Variants in PPP1R37 observed in about 807,000 individuals in gnomAD.
The protein encoded by PPP1R37 is leucine rich repeat containing 68.
Under a neutral mutation model 61.0 loss-of-function variants are expected in PPP1R37, and 21 were observed. The observed-to-expected ratio is 0.34, with a 90% CI of 0.24 to 0.50. The LOEUF (loss-of-function observed/expected upper bound fraction) is 0.50. Among genes scored for constraint, PPP1R37 ranks in the 20% least tolerant of loss-of-function variants. PPP1R37 has a pLI of 0.98. For synonymous variants in PPP1R37, 443 were observed against 433.5 expected, an observed-to-expected ratio of 1.02 and a Z score of -0.27; for missense variants, 910 against 952.7, an observed-to-expected ratio of 0.96 and a Z score of 0.59.
chr19:45,132,001 T>G (rs546433512), intron 1 of PPP1R37, among the ~76,000 whole-genome samples: 48 of 152,300 alleles, frequency 3.2e-4, no homozygotes, highest in African/African-American at 1.1e-3. Context: ...AACTCAGGTC[T>G]TCTTATTCCA....
intron 1 of PPP1R37, among the ~76,000 whole-genome samples, chr19:45,104,544 C>T (rs1470703427): frequency 6.6e-6 from 1 of 152,220 alleles, no homozygotes; most frequent in African/African-American, 2.4e-5. Flanking sequence ...CTCCACTTTG[C>T]TGTCCCTGCC....
intron 1 of PPP1R37, among the ~76,000 whole-genome samples, chr19:45,097,453 G>T (rs1277124214): frequency 6.6e-6 from 1 of 151,906 alleles, no homozygotes. Flanking sequence ...CAGTGCAGGG[G>T]TCTCCTTCAG....
chr19:45,096,413 AG>A (rs1270555345), intron 1 of PPP1R37, among the ~76,000 whole-genome samples: 1 of 152,172 alleles, frequency 6.6e-6, no homozygotes, highest in Non-Finnish European at 1.5e-5. Flanking sequence ...TTCCTCTCCA[AG>A]CCTCTGTTTC....
intron 1 of PPP1R37, among the ~76,000 whole-genome samples, chr19:45,113,811 C>T (rs927169049): frequency 3.9e-5 from 6 of 152,224 alleles, no homozygotes; most frequent in Non-Finnish European, 5.9e-5. Flanking sequence ...GTCTTCACTT[C>T]GGCACCATCA....
intron 1 of PPP1R37, among the ~76,000 whole-genome samples, chr19:45,117,056 G>A (rs996248466): frequency 1.3e-5 from 2 of 152,030 alleles, no homozygotes; most frequent in African/African-American, 4.8e-5. Context: ...GGGACTACAG[G>A]CACGTGTCAC....
chr19:45,145,812 T>TGGGCC lies in PPP1R37; in HGVS notation c.1756_1757insGGGCC (p.Ser586TrpfsTer54). 2.4e-6 allele frequency: 3 copies of TGGGCC among 1,227,556 alleles called. No homozygotes were observed. The highest frequency in any genetic ancestry group is 3.3e-6 in the Non-Finnish European group (3 of 922,038). The allele number at this position is 1,227,556 out of a possible 1,614,324, so 76.0% of individuals were successfully genotyped here. On this transcript the variant is annotated frameshift_variant, in exon 11 of 13. Coordinates refer to ENST00000221462, the MANE Select transcript of PPP1R37 (RefSeq NM_019121.2). LOFTEE classifies it high-confidence loss of function. ...GCCCGAGAGGGCAGAGCCCCCTGCGTCCCCCACCCCTCCCTCTCCCCCACC... is the reference window on the plus strand; with the variant it reads ...GCCCGAGAGGGCAGAGCCCCCTGCGTGGGCCCCCCCACCCCTCCCTCTCCCCCACC...
intron 1 of PPP1R37, among the ~76,000 whole-genome samples, chr19:45,097,505 T>C (rs1968007775): frequency 2.6e-5 from 4 of 151,566 alleles, no homozygotes. Flanking sequence ...CCCAGCTGGG[T>C]GGGAGCTGTG....
intron 1 of PPP1R37, among the ~76,000 whole-genome samples, chr19:45,124,824 G>A (rs12459945): frequency 0.17 from 24,177 of 146,332 alleles, 2,395 homozygotes; most frequent in African/African-American, 0.27. Flanking sequence ...AAAAAAAACT[G>A]GCCAAGCATG....
At chr19:45,096,439 G>A (rs776658667) in intron 1 of PPP1R37, among the ~76,000 whole-genome samples, 2 of 152,182 alleles carry the variant, frequency 1.3e-5, no homozygotes, top group Non-Finnish European at 2.9e-5. Flanking sequence ...TCTGCAAATG[G>A]AGGTGCTAAT....
chr19:45,116,056 G>T (rs1412377894), intron 1 of PPP1R37, among the ~76,000 whole-genome samples: 1 of 152,152 alleles, frequency 6.6e-6, no homozygotes, highest in African/African-American at 2.4e-5. Context: ...AGGGATTAAG[G>T]CCTTGACTTC....
chr19:45,120,510 T>G (rs1478237858), intron 1 of PPP1R37, among the ~76,000 whole-genome samples: 4 of 152,212 alleles, frequency 2.6e-5, no homozygotes, highest in African/African-American at 4.8e-5. Flanking sequence ...TGTGGTTGGT[T>G]CCGGTTCTGC....
chr19:45,132,300 C>T lies in PPP1R37; in HGVS notation c.203-6214C>T, dbSNP rs368954081. ...GAATGTAAAAGCTAAGGAGCAGTTA[C>T]GTATTTTTTCTTTTCTTTTTTTTTT... On this transcript the variant is annotated intron_variant, in intron 1 of 12. Coordinates refer to ENST00000221462, the MANE Select transcript of PPP1R37 (RefSeq NM_019121.2). Among the ~76,000 whole-genome samples the T allele has an allele frequency of 1.5e-4, 23 of 152,012 alleles. No homozygotes were observed. The East Asian group carries it at 2.3e-3, about 15-fold the overall frequency.
At chr19:45,134,217 T>C (rs1408746128) in intron 1 of PPP1R37, among the ~76,000 whole-genome samples, 2 of 152,168 alleles carry the variant, frequency 1.3e-5, no homozygotes, top group Non-Finnish European at 2.9e-5. Flanking sequence ...TTGGCAAGGC[T>C]GGTCTCAAAC....
chr19:45,106,761 T>G (rs1232502361), intron 1 of PPP1R37, among the ~76,000 whole-genome samples: 1 of 151,782 alleles, frequency 6.6e-6, no homozygotes, highest in African/African-American at 2.4e-5. Context: ...TCAGGCTTCG[T>G]TGTGCTTTTG....
intron 11 of PPP1R37, 166 bp from the exon 12 acceptor site, chr19:45,146,224 T>C: frequency 1.1e-6 from 1 of 919,808 alleles, no homozygotes; most frequent in Non-Finnish European, 1.6e-6. Context: ...TCCTGGGAGC[T>C]CTTCCTGGGG....
chr19:45,122,999 G>T (rs1386228401), intron 1 of PPP1R37, among the ~76,000 whole-genome samples: 1 of 152,174 alleles, frequency 6.6e-6, no homozygotes, highest in Non-Finnish European at 1.5e-5. Flanking sequence ...AGTTCCCTCT[G>T]CCAGAGACGC....
At chr19:45,141,545 G>A (rs1330400969) in intron 5 of PPP1R37, 104 bp downstream of exon 5, 3 of 1,393,532 alleles carry the variant, frequency 2.2e-6, no homozygotes, top group Admixed American at 4.9e-5. Flanking sequence ...GAGCTCTTGA[G>A]TGTGGGCTGT....
At chr19:45,105,354 C>G (rs541455355) in intron 1 of PPP1R37, among the ~76,000 whole-genome samples, 1 of 152,102 alleles carries the variant, frequency 6.6e-6, no homozygotes, top group South Asian at 2.1e-4. Flanking sequence ...TGCTGGGGGT[C>G]ATAGGCCAGG....
At chr19:45,144,216 C>G (rs1032730449) in intron 8 of PPP1R37, 9 of 152,456 alleles carry the variant, frequency 5.9e-5, no homozygotes, top group African/African-American at 1.9e-4. Flanking sequence ...GGGGATTTCA[C>G]CATGTTAGCC....
Sources: allele counts gnomAD v4.1 joint callset (sites outside exome capture counted in the v4.1 genomes callset), GRCh38; gene constraint gnomAD v4.1.1; transcripts MANE v1.5; gene names NCBI Gene and HGNC (gene_info 2026-07-23, HGNC 2026-07-21).